TLN2: variants seen among roughly 807,000 people sequenced by gnomAD.
TLN2 encodes talin 2.
In TLN2, 118 loss-of-function variants were observed where a neutral mutation model predicts 294.7. That is an observed-to-expected ratio of 0.40 (90% CI 0.34 to 0.47). The LOEUF is 0.47. Among genes scored for constraint, TLN2 ranks in the 20% least tolerant of loss-of-function variants. TLN2 has a pLI of 0.84. For missense variants in TLN2, 3,083 were observed against 3,282.2 expected, an observed-to-expected ratio of 0.94 and a Z score of 1.48; for synonymous variants, 1,431 against 1,304.5, an observed-to-expected ratio of 1.10 and a Z score of -2.09.
chr15:62,407,408 T>G (rs1044164752), intron 1 of TLN2, among the ~76,000 whole-genome samples: 1 of 152,094 alleles, frequency 6.6e-6, no homozygotes, highest in African/African-American at 2.4e-5. Flanking sequence ...AAATACAGAT[T>G]TGGGAGGCCC....
chr15:62,791,055 C>A (rs6494362), intron 45 of TLN2, among the ~76,000 whole-genome samples: 3 of 152,104 alleles, frequency 2.0e-5, no homozygotes, highest in African/African-American at 4.8e-5. Context: ...TTGGCTGGGC[C>A]TGGTGGCTCA....
At chr15:62,517,958 C>T (rs2040263614) in intron 1 of TLN2, among the ~76,000 whole-genome samples, 1 of 152,008 alleles carries the variant, frequency 6.6e-6, no homozygotes, top group Non-Finnish European at 1.5e-5. Flanking sequence ...TTTACTTAGC[C>T]ATAAGATTGT....
rs1325188616 is a variant in TLN2, at chr15:62,690,530, T to G, written c.1114-2310T>G. Reference sequence around the variant, plus strand: ...CAGAGATGCTCCTCACTTTCCAGACTGGGCAGCCAGGCAGAGGGGCTCCTC... The same window carrying G: ...CAGAGATGCTCCTCACTTTCCAGACGGGGCAGCCAGGCAGAGGGGCTCCTC... On this transcript the variant is annotated intron_variant, in intron 12 of 58. Coordinates refer to ENST00000636159, the MANE Select transcript of TLN2 (RefSeq NM_015059.3). The G allele has an allele frequency of 4.5e-4, 67 of 148,786 alleles. 2 individuals are homozygous for G. The highest frequency in any genetic ancestry group is 5.4e-4 in the Non-Finnish European group (40 of 73,862). The allele number at this position is 148,786 out of a possible 1,614,324, so 9.2% of individuals were successfully genotyped here. A position where few individuals can be genotyped will look rare whatever the true frequency, so the allele number is the denominator to read the frequency against.
intron 1 of TLN2, among the ~76,000 whole-genome samples, chr15:62,561,908 G>T (rs1349087168): frequency 2.0e-5 from 3 of 151,904 alleles, no homozygotes; most frequent in African/African-American, 4.8e-5. Context: ...AAAGCTCCCT[G>T]TCCTTTTCCT....
At chr15:62,398,341 C>G (rs1358582697) in intron 1 of TLN2, among the ~76,000 whole-genome samples, 2 of 152,166 alleles carry the variant, frequency 1.3e-5, no homozygotes, top group African/African-American at 4.8e-5. Flanking sequence ...CCCAACTGCC[C>G]CCTGCCCCAG....
At chr15:62,447,054 T>G (rs758477273) in intron 1 of TLN2, among the ~76,000 whole-genome samples, 10 of 152,216 alleles carry the variant, frequency 6.6e-5, no homozygotes, top group Non-Finnish European at 1.5e-4. Flanking sequence ...TCAAACAGTT[T>G]ATTTGTTAAA....
At chr15:62,835,687 C>T (rs369392904) in intron 55 of TLN2, 50 bp from the exon 56 acceptor site, 1 of 1,604,380 alleles carries the variant, frequency 6.2e-7, no homozygotes. Context: ...GGGGCTGCGA[C>T]CACTGGGGCT....
At chr15:62,786,238 CAT>C (rs1306896354) in intron 45 of TLN2, among the ~76,000 whole-genome samples, 1 of 152,220 alleles carries the variant, frequency 6.6e-6, no homozygotes, top group East Asian at 1.9e-4. Flanking sequence ...CCTATCACAA[CAT>C]GTGAAAATAT....
chr15:62,405,273 A>G lies in TLN2; in HGVS notation c.-238+14588A>G, dbSNP rs143309584. On this transcript the variant is annotated intron_variant, in intron 1 of 58. Transcript: ENST00000636159. Reference sequence around the variant, plus strand: ...AACCCCACCTGACTCACTAAACTGAATCGGGAGCCCTAGGGAGGATCCTAG... The same window carrying G: ...AACCCCACCTGACTCACTAAACTGAGTCGGGAGCCCTAGGGAGGATCCTAG... Among the ~76,000 whole-genome samples, 290 of 152,214 alleles carry G rather than the reference A, an allele frequency of 1.9e-3. 1 individual carries two copies. Among genetic ancestry groups the G allele is most frequent in the African/African-American group, 6.7e-3 (280 of 41,558 alleles).
intron 3 of TLN2, chr15:62,645,216 T>C (rs980494061): frequency 6.5e-6 from 1 of 153,100 alleles, no homozygotes; most frequent in African/African-American, 2.4e-5. Context: ...GAGGAAGCTT[T>C]TACATATGGC....
intron 1 of TLN2, among the ~76,000 whole-genome samples, chr15:62,421,879 GA>G (rs941448021): frequency 6.6e-6 from 1 of 151,888 alleles, no homozygotes; most frequent in Admixed American, 6.5e-5. Flanking sequence ...ACTTAAGCAA[GA>G]AAAAAAAGTG....
At chr15:62,643,809 C>G (rs2051467323) in intron 3 of TLN2, among the ~76,000 whole-genome samples, 1 of 152,102 alleles carries the variant, frequency 6.6e-6, no homozygotes. Context: ...TGAACCCAGA[C>G]TTAGCCACTC....
chr15:62,621,074 T>G (rs1367478492), intron 3 of TLN2, among the ~76,000 whole-genome samples: 2 of 149,026 alleles, frequency 1.3e-5, no homozygotes, highest in East Asian at 4.1e-4. Context: ...CTCCTGACCT[T>G]GTGATCCGCC....
chr15:62,719,731 C>T (rs1455595098), intron 24 of TLN2, 36 bp from the exon 25 acceptor site: 2 of 1,514,650 alleles, frequency 1.3e-6, no homozygotes, highest in African/African-American at 1.4e-5. Context: ...TCCCACCATT[C>T]TAGCCATGCT....
intron 1 of TLN2, chr15:62,561,544 C>T (rs1243873992): frequency 6.6e-6 from 1 of 152,312 alleles, no homozygotes; most frequent in African/African-American, 2.4e-5. Flanking sequence ...CCGCCCTTCT[C>T]TTGCATTACT....
At chr15:62,777,677 C>T (rs912997849) in intron 43 of TLN2, among the ~76,000 whole-genome samples, 1 of 152,180 alleles carries the variant, frequency 6.6e-6, no homozygotes, top group Non-Finnish European at 1.5e-5. Flanking sequence ...TTAATTGCTC[C>T]TTGTGGTTCT....
chr15:62,420,461 G>C (rs1270698872), intron 1 of TLN2, among the ~76,000 whole-genome samples: 1 of 151,862 alleles, frequency 6.6e-6, no homozygotes, highest in East Asian at 1.9e-4. Flanking sequence ...CAGTGGCGTG[G>C]TCTCGGCTCA....
chr15:62,439,746 CTT>C (rs1432211835), intron 1 of TLN2, among the ~76,000 whole-genome samples: 1 of 152,190 alleles, frequency 6.6e-6, no homozygotes, highest in Non-Finnish European at 1.5e-5. Flanking sequence ...TAGTGTTAGA[CTT>C]TTTCCCTTTG....
chr15:62,437,098 T>C (rs1222198269), intron 1 of TLN2, among the ~76,000 whole-genome samples: 2 of 152,248 alleles, frequency 1.3e-5, no homozygotes, highest in Non-Finnish European at 2.9e-5. Flanking sequence ...ATTGGTTCAA[T>C]GGACTTTTTA....
Sources: gnomAD v4.1 joint callset for allele counts (sites outside exome capture counted in the v4.1 genomes callset) on GRCh38, gnomAD v4.1.1 for gene constraint, MANE v1.5 for transcripts, NCBI Gene and HGNC (gene_info 2026-07-23, HGNC 2026-07-21) for gene names.